Variants in PTPRG observed in about 807,000 individuals in gnomAD.
PTPRG encodes receptor-type tyrosine-protein phosphatase gamma.
Under a neutral mutation model 165.3 loss-of-function variants are expected in PTPRG, and 102 were observed. The observed-to-expected ratio is 0.62, with a 90% CI of 0.53 to 0.73. PTPRG has a LOEUF of 0.73. Among genes scored for constraint, PTPRG ranks in the 30% least tolerant of loss-of-function variants. The probability of loss-of-function intolerance (pLI) is 0.00; values close to 1 mark genes in which losing one functional copy is unlikely to be tolerated. For missense variants in PTPRG, 1,866 were observed against 1,861.4 expected (o/e 1.00, Z -0.05); for synonymous variants, 675 against 669.5 (o/e 1.01, Z -0.13).
intron 5 of PTPRG, among the ~76,000 whole-genome samples, chr3:62,101,022 G>T (rs1702273417): frequency 6.6e-6 from 1 of 152,170 alleles, no homozygotes; most frequent in Non-Finnish European, 1.5e-5. Flanking sequence ...GACATTTGAA[G>T]AATCTCTTTC....
At chr3:61,709,633 A>G (rs1226263596) in intron 1 of PTPRG, among the ~76,000 whole-genome samples, 1 of 152,144 alleles carries the variant, frequency 6.6e-6, no homozygotes, top group African/African-American at 2.4e-5. Flanking sequence ...TTGCATTTTA[A>G]ATGGTTCCAT....
chr3:61,663,385 A>G (rs1312076934), intron 1 of PTPRG, among the ~76,000 whole-genome samples: 1 of 152,190 alleles, frequency 6.6e-6, no homozygotes, highest in Non-Finnish European at 1.5e-5. Flanking sequence ...TTTTGAGCAG[A>G]TGATACAATC....
intron 1 of PTPRG, among the ~76,000 whole-genome samples, chr3:61,578,474 A>G (rs1053999233): frequency 2.0e-5 from 3 of 152,128 alleles, no homozygotes; most frequent in Non-Finnish European, 4.4e-5. Flanking sequence ...GACCAGTTGG[A>G]TTGGGTGGTG....
At chr3:61,604,616 A>C (rs1350542679) in intron 1 of PTPRG, among the ~76,000 whole-genome samples, 1 of 152,176 alleles carries the variant, frequency 6.6e-6, no homozygotes, top group Non-Finnish European at 1.5e-5. Context: ...CAAATAAGGA[A>C]TTTGGTAAAC....
intron 8 of PTPRG, among the ~76,000 whole-genome samples, chr3:62,181,346 C>T (rs1454235108): frequency 6.6e-6 from 1 of 152,210 alleles, no homozygotes; most frequent in African/African-American, 2.4e-5. Context: ...CTCTCCTCCT[C>T]ATTCCCTGCT....
chr3:62,231,239 T>C lies in PTPRG; in HGVS notation c.2303T>C (p.Ile768Thr), dbSNP rs200507518. The change falls in exon 14 of 30, where the codon ATA becomes ACA. Residue 768 changes from isoleucine (I) to threonine (T), a missense_variant. Ile to Thr is a moderately conservative substitution (Grantham distance 89, BLOSUM62 -1). This residue lies in a region of PTPRG where 1,452 missense variants were observed against 1,463.0 expected (regional missense o/e 0.99). Transcript: ENST00000474889. ...VLVYWRGCNK[I>T]KSKGFPRRFR... is the part of the protein sequence containing the mutation. ...TGTCCATTTAGAGGGTGTAACAAAA[T>C]AAAGTCCAAGGGCTTTCCCAGACGT... is the stretch of plus-strand genomic sequence containing the variant. 2 of 1,577,642 alleles carry C rather than the reference T, an allele frequency of 1.3e-6. No homozygotes were observed. The highest frequency in any genetic ancestry group is 1.2e-5 in the South Asian group (1 of 84,400).
intron 1 of PTPRG, among the ~76,000 whole-genome samples, chr3:61,593,108 A>G (rs1700613829): frequency 6.6e-6 from 1 of 151,976 alleles, no homozygotes; most frequent in Non-Finnish European, 1.5e-5. Flanking sequence ...GTGGGATCTC[A>G]TGGATCAGAA....
chr3:62,182,217 G>A (rs1165758176), intron 8 of PTPRG, among the ~76,000 whole-genome samples: 1 of 152,144 alleles, frequency 6.6e-6, no homozygotes, highest in Non-Finnish European at 1.5e-5. Flanking sequence ...CTCAGGGGTG[G>A]AAATTCACTT....
intron 1 of PTPRG, among the ~76,000 whole-genome samples, chr3:61,564,726 G>A (rs996195908): frequency 6.6e-6 from 1 of 152,104 alleles, no homozygotes; most frequent in African/African-American, 2.4e-5. Flanking sequence ...CTCAGGGGGC[G>A]CCCCCGAGCC....
At chr3:61,565,811 C>G (rs1040513978) in intron 1 of PTPRG, among the ~76,000 whole-genome samples, 2 of 151,550 alleles carry the variant, frequency 1.3e-5, no homozygotes, top group Non-Finnish European at 2.9e-5. Context: ...TCCCTCTAAG[C>G]TGTCTCTTAT....
At position 62,109,223 on chromosome 3, in the gene PTPRG, A is replaced by G. The variant is rs145276817; in HGVS notation, c.616-23379A>G. On this transcript the variant is annotated intron_variant, in intron 5 of 29. Transcript: ENST00000474889. ...ATCCATCTTGAGTTGATTTTTGTAT[A>G]AGGTGTAAGGAAGGGGTCCAGTTTC... is the stretch of plus-strand genomic sequence containing the variant. Among the ~76,000 whole-genome samples the G allele has an allele frequency of 1.5e-4, 23 of 152,274 alleles. No individual in the cohort carries two copies. In the South Asian group the frequency reaches 4.1e-3, roughly 27 times the overall value.
chr3:62,029,643 C>T (rs1405048772), intron 4 of PTPRG, among the ~76,000 whole-genome samples: 1 of 152,162 alleles, frequency 6.6e-6, no homozygotes, highest in African/African-American at 2.4e-5. Flanking sequence ...ACATGGGTGA[C>T]CTTCAAACCT....
intron 2 of PTPRG, among the ~76,000 whole-genome samples, chr3:61,910,240 TTGTTTGTCCTGA>T (rs60728057): frequency 0.019 from 2,818 of 152,266 alleles, 72 homozygotes; most frequent in African/African-American, 0.063. Flanking sequence ...GGGAGACACT[TTGTTTGTCCTGA>T]TGAATTTTGC....
At chr3:61,954,906 G>T (rs759192651) in intron 2 of PTPRG, among the ~76,000 whole-genome samples, 23 of 152,216 alleles carry the variant, frequency 1.5e-4, no homozygotes, top group Non-Finnish European at 2.4e-4. Flanking sequence ...TTGCATGCAT[G>T]TGAGTTTGAT....
At chr3:62,212,514 G>A (rs148087653) in intron 12 of PTPRG, among the ~76,000 whole-genome samples, 279 of 152,252 alleles carry the variant, frequency 1.8e-3, no homozygotes, top group Middle Eastern at 6.8e-3. Context: ...TTTTACTTTC[G>A]TTTTTGAGGC....
intron 2 of PTPRG, among the ~76,000 whole-genome samples, chr3:61,789,027 C>T (rs538979935): frequency 1.3e-5 from 2 of 152,246 alleles, no homozygotes; most frequent in Non-Finnish European, 1.5e-5. Flanking sequence ...TTTTTTCTTA[C>T]ATTTAATTTA....
chr3:62,275,724 G>A (rs1702208591), intron 23 of PTPRG, 149 bp from the exon 24 acceptor site: 4 of 576,236 alleles, frequency 6.9e-6, no homozygotes, highest in African/African-American at 1.9e-5. Flanking sequence ...GCCTGGGCAA[G>A]AGAGCAAGAC....
At chr3:61,741,835 A>G (rs1322760157) in intron 1 of PTPRG, among the ~76,000 whole-genome samples, 1 of 152,154 alleles carries the variant, frequency 6.6e-6, no homozygotes, top group African/African-American at 2.4e-5. Flanking sequence ...ATTGACATTC[A>G]TATACACAAA....
intron 2 of PTPRG, among the ~76,000 whole-genome samples, chr3:61,854,552 A>G (rs1032265121): frequency 6.6e-6 from 1 of 152,146 alleles, no homozygotes; most frequent in Non-Finnish European, 1.5e-5. Context: ...ATATGAATAC[A>G]TGCTTTTTAA....
Sources: allele counts gnomAD v4.1 joint callset (sites outside exome capture counted in the v4.1 genomes callset), GRCh38; gene constraint gnomAD v4.1.1; regional missense constraint gnomAD v4.1.1; transcripts MANE v1.5; gene names NCBI Gene and HGNC (gene_info 2026-07-23, HGNC 2026-07-21).